TGDS: variants seen among roughly 807,000 people sequenced by gnomAD.
The protein encoded by TGDS is UDP-D-glucose 4,6-dehydratase.
Under a neutral mutation model 52.3 loss-of-function variants are expected in TGDS, and 47 were observed. The observed-to-expected ratio is 0.90, with a 90% CI of 0.71 to 1.15. The LOEUF (loss-of-function observed/expected upper bound fraction) is 1.15, where lower values mean the gene tolerates loss of function less well. TGDS is among the 50% of genes most tolerant of loss of function. The pLI, the probability that TGDS is intolerant of heterozygous loss-of-function variation, is 0.00. For missense variants in TGDS, 375 were observed against 418.4 expected (o/e 0.90, Z 0.90); for synonymous variants, 115 against 136.9 (o/e 0.84, Z 1.12).
intron 1 of TGDS, 84 bp from the exon 2 acceptor site, chr13:94,593,991 G>A: frequency 4.5e-5 from 35 of 774,822 alleles, no homozygotes; most frequent in East Asian, 1.6e-4. Context: ...TTGAGTACTA[G>A]GAAAATACTC....
chr13:94,595,622 T>C (rs556541676), intron 1 of TGDS, among the ~76,000 whole-genome samples: 1 of 152,270 alleles, frequency 6.6e-6, no homozygotes, highest in Non-Finnish European at 1.5e-5. Flanking sequence ...GTGTCAACAG[T>C]GGATTTGTAA....
chr13:94,583,065 T>A (rs774247283), intron 5 of TGDS, 29 bp downstream of exon 5: 1 of 1,606,880 alleles, frequency 6.2e-7, no homozygotes, highest in Non-Finnish European at 8.5e-7. Flanking sequence ...CATGGTTAAG[T>A]AGGTAAAATA....
Position 94,581,185 on chromosome 13 carries a change from AATTCCT to A in TGDS, c.457-2_460del. ...AGGTTGTTTGGGTGAAGATTCATCA[AATTCCT>A]ATTTTTAAAAATATATATTTAAAAA... On this transcript the variant is annotated splice_acceptor_variant and coding_sequence_variant, in exon 6 of 12. Transcript: ENST00000261296. LOFTEE classifies it high-confidence loss of function. The A allele has an allele frequency of 6.4e-7, 1 of 1,562,252 alleles. No homozygotes were observed. The highest frequency in any genetic ancestry group is 8.7e-7 in the Non-Finnish European group (1 of 1,151,802).
At position 94,574,815 on chromosome 13, in the gene TGDS, AT is replaced by A. The variant is rs1888538275; in HGVS notation, c.1019del (p.Asn340MetfsTer6). ...GAAAGGGTTCTAATGCCTTTTCCACATTCTTCCAGTTGTGAAAATTCTCTCT... is the reference window on the plus strand; with the variant it reads ...GAAAGGGTTCTAATGCCTTTTCCACATCTTCCAGTTGTGAAAATTCTCTCT... ...WYRENFHNWK[N>X]VEKALEPFPV On this transcript the variant is annotated frameshift_variant, in exon 12 of 12. Transcript: ENST00000261296. LOFTEE classifies it high-confidence loss of function. The A allele has an allele frequency of 3.1e-6, 5 of 1,607,630 alleles. No individual in the cohort carries two copies. Among genetic ancestry groups the A allele is most frequent in the Non-Finnish European group, 4.3e-6 (5 of 1,175,096 alleles).
At chr13:94,590,011 A>G (rs1339243425) in intron 4 of TGDS, among the ~76,000 whole-genome samples, 1 of 105,030 alleles carries the variant, frequency 9.5e-6, no homozygotes, top group Non-Finnish European at 1.9e-5. Context: ...GCCATCAAGA[A>G]TAAAGTATAT....
At chr13:94,577,690 T>C (rs1313578626) in intron 9 of TGDS, among the ~76,000 whole-genome samples, 1 of 152,186 alleles carries the variant, frequency 6.6e-6, no homozygotes, top group African/African-American at 2.4e-5. Context: ...CTAATATACA[T>C]GGACATTCAT....
At chr13:94,593,537 C>A (rs1406854720) in intron 2 of TGDS, among the ~76,000 whole-genome samples, 1 of 151,786 alleles carries the variant, frequency 6.6e-6, no homozygotes, top group Non-Finnish European at 1.5e-5. Context: ...CACCAAATTG[C>A]CTTATGAATT....
At chr13:94,590,970 G>A (rs1343846227) in intron 3 of TGDS, 27 bp from the exon 4 acceptor site, 2 of 1,519,568 alleles carry the variant, frequency 1.3e-6, no homozygotes, top group African/African-American at 2.8e-5. Context: ...ACATGAAAGG[G>A]CCTAGGTTTC....
chr13:94,576,213 T>A, intron 11 of TGDS, 101 bp downstream of exon 11: 1 of 707,630 alleles, frequency 1.4e-6, no homozygotes, highest in Non-Finnish European at 2.2e-6. Context: ...TACGAATGAT[T>A]CAACACAATA....
At chr13:94,581,974 C>T (rs994865952) in intron 5 of TGDS, among the ~76,000 whole-genome samples, 6 of 152,142 alleles carry the variant, frequency 3.9e-5, no homozygotes, top group African/African-American at 1.2e-4. Context: ...CCGAGGCAGG[C>T]GGATCACCTG....
chr13:94,578,283 C>A (rs1034827615), intron 8 of TGDS, 113 bp from the exon 9 acceptor site: 2 of 1,001,576 alleles, frequency 2.0e-6, no homozygotes, highest in Admixed American at 3.0e-5. Context: ...ATCCCAGAAT[C>A]TTTACTGAAA....
At chr13:94,589,319 CTT>C (rs36115215) in intron 4 of TGDS, among the ~76,000 whole-genome samples, 7 of 146,576 alleles carry the variant, frequency 4.8e-5, no homozygotes, top group Non-Finnish European at 4.5e-5. Context: ...CAAAAGATTT[CTT>C]TTTTTTTTTT....
upstream of TGDS, chr13:94,596,230 G>A (rs952156040): frequency 2.2e-6 from 3 of 1,374,236 alleles, no homozygotes; most frequent in Non-Finnish European, 3.0e-6. Flanking sequence ...CCTCGCTCGC[G>A]GGACACGTTA....
At chr13:94,581,234 A>C (rs1220744344) in intron 5 of TGDS, 45 bp from the exon 6 acceptor site, 6 of 1,291,544 alleles carry the variant, frequency 4.6e-6, no homozygotes, top group Non-Finnish European at 6.4e-6. Context: ...TGCATATTTT[A>C]AGTATAGAAA....
In TGDS at chr13:94,582,458, C is replaced by T. The variant is rs181583296; in HGVS notation, c.456+636G>A. On this transcript the variant is annotated intron_variant, in intron 5 of 11. Transcript: ENST00000261296. ...GGCATGAAAAAATAAATGAATAAGT[C>T]TCTACCAAGACTAGGCTGTTGTTCC... is the stretch of plus-strand genomic sequence containing the variant. Among the ~76,000 whole-genome samples, 4 of 152,336 alleles carry T rather than the reference C, an allele frequency of 2.6e-5. 1 individual carries two copies. Among genetic ancestry groups the T allele is most frequent in the East Asian group, 3.9e-4 (2 of 5,180 alleles).
At chr13:94,588,524 T>TA (rs1012607754) in intron 4 of TGDS, among the ~76,000 whole-genome samples, 4 of 148,690 alleles carry the variant, frequency 2.7e-5, no homozygotes, top group Non-Finnish European at 4.5e-5. Flanking sequence ...ATAAAGGACT[T>TA]ATAAAAATCT....
chr13:94,577,676 T>C (rs9301978), intron 9 of TGDS, among the ~76,000 whole-genome samples: 28,850 of 152,132 alleles, frequency 0.19, 3,063 homozygotes, highest in Non-Finnish European at 0.25. Context: ...AAAATTGATG[T>C]CCCCTAATAT....
chr13:94,580,783 G>T (rs1888760503), intron 6 of TGDS, among the ~76,000 whole-genome samples: 1 of 152,230 alleles, frequency 6.6e-6, no homozygotes, highest in Non-Finnish European at 1.5e-5. Context: ...GAGGAAATTA[G>T]TTTTTAAAAT....
intron 4 of TGDS, among the ~76,000 whole-genome samples, chr13:94,588,022 A>G (rs911521371): frequency 1.3e-5 from 2 of 150,250 alleles, no homozygotes; most frequent in Non-Finnish European, 3.0e-5. Context: ...AAAAAAAGAG[A>G]CAGAAAGAGC....
Sources: gnomAD v4.1 joint callset for allele counts (sites outside exome capture counted in the v4.1 genomes callset) on GRCh38, gnomAD v4.1.1 for gene constraint, MANE v1.5 for transcripts, NCBI Gene and HGNC (gene_info 2026-07-23, HGNC 2026-07-21) for gene names.